TMEM200A: variants seen among roughly 807,000 people sequenced by gnomAD.
TMEM200A encodes the protein two transmembrane C.
A neutral mutation model predicts 24.3 loss-of-function variants in TMEM200A; 12 were observed. That is an observed-to-expected ratio of 0.49 (90% CI 0.32 to 0.80). The LOEUF (loss-of-function observed/expected upper bound fraction) is 0.80. Among genes scored for constraint, TMEM200A ranks in the 30% least tolerant of loss-of-function variants. TMEM200A has a pLI of 0.04. For missense variants in TMEM200A, 545 were observed against 614.4 expected (o/e 0.89, Z 1.19); for synonymous variants, 224 against 224.4 (o/e 1.00, Z 0.02).
At chr6:130,383,022 G>C (rs983692490) in intron 1 of TMEM200A, 1 of 985,350 alleles carries the variant, frequency 1.0e-6, no homozygotes, top group African/African-American at 1.7e-5. Flanking sequence ...TGAGTTCCTT[G>C]AGGCCAGGCA....
chr6:130,405,695 C>T (rs1779188135), intron 2 of TMEM200A, among the ~76,000 whole-genome samples: 1 of 152,182 alleles, frequency 6.6e-6, no homozygotes, highest in Admixed American at 6.5e-5. Context: ...TCATGGTTTC[C>T]AGCTCCTATG....
intron 2 of TMEM200A, among the ~76,000 whole-genome samples, chr6:130,387,057 G>A (rs578068934): frequency 6.6e-6 from 1 of 152,218 alleles, no homozygotes; most frequent in East Asian, 1.9e-4. Context: ...AATGCTAAGA[G>A]GACTTGATCT....
At chr6:130,368,702 G>A (rs1178020629) in intron 1 of TMEM200A, among the ~76,000 whole-genome samples, 3 of 152,132 alleles carry the variant, frequency 2.0e-5, no homozygotes, top group Non-Finnish European at 4.4e-5. Flanking sequence ...CTGATGGAGA[G>A]GGGACTGATA....
In TMEM200A at chr6:130,440,010, CTG is replaced by C. The variant is rs750885142; in HGVS notation, c.-16-383_-16-382del. ...ATGATTTAAAATAGCACAGATAACT[CTG>C]TGTGTGTGTGTGTATGTGTGTGTGT... is the stretch of plus-strand genomic sequence containing the variant. On this transcript the variant is annotated intron_variant, in intron 2 of 2. Coordinates refer to ENST00000296978, the MANE Select transcript of TMEM200A (RefSeq NM_001258277.2). 1.7e-4 allele frequency among the ~76,000 whole-genome samples: 25 copies of C among 149,942 alleles called. 2 individuals carry two copies. Among genetic ancestry groups the C allele is most frequent in the East Asian group, 9.7e-4 (5 of 5,138 alleles).
intron 2 of TMEM200A, among the ~76,000 whole-genome samples, chr6:130,417,701 C>T (rs2115174486): frequency 6.6e-6 from 1 of 152,180 alleles, no homozygotes; most frequent in South Asian, 2.1e-4. Context: ...AGGAAGTAGA[C>T]ATACACACAC....
intron 2 of TMEM200A, among the ~76,000 whole-genome samples, chr6:130,427,211 A>G (rs141836211): frequency 1.3e-5 from 2 of 152,328 alleles, no homozygotes; most frequent in East Asian, 3.9e-4. Context: ...TAAAAGCAGT[A>G]CATGTTCCTT....
intron 2 of TMEM200A, among the ~76,000 whole-genome samples, chr6:130,420,043 G>C (rs951105417): frequency 1.3e-5 from 2 of 152,050 alleles, no homozygotes; most frequent in African/African-American, 4.8e-5. Flanking sequence ...CATGAAAGTG[G>C]AGCCCTCATG....
At chr6:130,379,522 T>G (rs1350235427) in intron 1 of TMEM200A, among the ~76,000 whole-genome samples, 1 of 152,184 alleles carries the variant, frequency 6.6e-6, no homozygotes, top group African/African-American at 2.4e-5. Flanking sequence ...GCTTCATGCC[T>G]CTCCATGGGT....
intron 2 of TMEM200A, among the ~76,000 whole-genome samples, chr6:130,408,942 C>A (rs72992487): frequency 1.3e-5 from 2 of 151,984 alleles, no homozygotes; most frequent in Non-Finnish European, 2.9e-5. Context: ...ACCACCACCC[C>A]CTCCCTGACC....
chr6:130,366,181 G>C lies in TMEM200A; in HGVS notation c.-424G>C. ...CGCGCCTGGACTCTGCGCCCGGATG[G>C]CGGCGGCCCTCTGTGAGCACCGGCA... On this transcript the variant is annotated 5_prime_UTR_variant, in exon 1 of 3. Coordinates refer to ENST00000296978, the MANE Select transcript of TMEM200A (RefSeq NM_001258277.2). The surrounding 1 kb of genome is among the most constrained non-coding windows in gnomAD (Gnocchi z 4.4). The C allele has an allele frequency of 1.0e-6, 1 of 985,230 alleles. No individual in the cohort carries two copies. The highest frequency in any genetic ancestry group is 1.7e-5 in the African/African-American group (1 of 57,342). 61.0% of individuals were successfully genotyped at this position (985,230 alleles called of 1,614,324 possible).
chr6:130,440,981 G>C lies in TMEM200A; in HGVS notation c.559G>C (p.Gly187Arg). The change falls in exon 3 of 3, where the codon GGT becomes CGT. Residue 187 changes from glycine (G) to arginine (R), a missense_variant. By Grantham distance (125) the Gly-to-Arg change is moderately radical. Transcript: ENST00000296978. ...AAGGCAAATGAACGGCATGTACACT[G>C]GTTTGATGGGAGAAACAGAAGTAAA... is the stretch of plus-strand genomic sequence containing the variant. ...EQRQMNGMYT[G>R]LMGETEVKQN... is the part of the protein sequence containing the mutation. The C allele has an allele frequency of 1.2e-6, 2 of 1,614,006 alleles. No individual in the cohort carries two copies. The highest frequency in any genetic ancestry group is 1.7e-6 in the Non-Finnish European group (2 of 1,179,988).
At chr6:130,372,225 C>G (rs978669543) in intron 1 of TMEM200A, among the ~76,000 whole-genome samples, 1 of 152,106 alleles carries the variant, frequency 6.6e-6, no homozygotes, top group Non-Finnish European at 1.5e-5. Context: ...ATGGGGAAAT[C>G]AGGAGGGGCA....
intron 2 of TMEM200A, among the ~76,000 whole-genome samples, chr6:130,410,906 C>T (rs950233234): frequency 7.9e-5 from 12 of 152,268 alleles, no homozygotes; most frequent in Admixed American, 5.2e-4. Context: ...CAGTGGCTCA[C>T]GCCTATAATC....
intron 2 of TMEM200A, among the ~76,000 whole-genome samples, chr6:130,395,900 T>G (rs1235549665): frequency 6.6e-6 from 1 of 152,228 alleles, no homozygotes; most frequent in Admixed American, 6.5e-5. Context: ...AAAGAGGGCT[T>G]GGCTATCCAG....
chr6:130,400,557 C>G (rs1193881859), intron 2 of TMEM200A, among the ~76,000 whole-genome samples: 1 of 150,968 alleles, frequency 6.6e-6, no homozygotes, highest in African/African-American at 2.4e-5. Context: ...TTAACTGGCA[C>G]TGTTTTCATA....
intron 2 of TMEM200A, chr6:130,438,591 T>C (rs978837957): frequency 5.9e-5 from 9 of 152,356 alleles, no homozygotes; most frequent in East Asian, 5.8e-4. Flanking sequence ...TTCATATTTT[T>C]AACTAGGAAA....
In TMEM200A at chr6:130,441,286, T is replaced by C. The variant is rs556826917; in HGVS notation, c.864T>C (p.Phe288=). 28 of 1,614,128 alleles carry C rather than the reference T, an allele frequency of 1.7e-5. No homozygotes were observed. In the African/African-American group the frequency reaches 2.9e-4, roughly 17 times the overall value. Residue 288 remains phenylalanine (F), a synonymous_variant, in exon 3 of 3, where the codon TTT becomes TTC. Coordinates refer to ENST00000296978, the MANE Select transcript of TMEM200A (RefSeq NM_001258277.2). ...TTGTGTCATCGTCCATCAGTGCTTTTACATTGCCTGTGATCAAACTTAATA... is the reference window on the plus strand; with the variant it reads ...TTGTGTCATCGTCCATCAGTGCTTTCACATTGCCTGTGATCAAACTTAATA... ...KSIVSSSISA[F]TLPVIKLNNC...
intron 1 of TMEM200A, among the ~76,000 whole-genome samples, chr6:130,379,850 A>G (rs1226044740): frequency 2.0e-5 from 3 of 152,164 alleles, no homozygotes; most frequent in African/African-American, 7.2e-5. Context: ...GAGAGAATAA[A>G]GATTGAGAAA....
intron 2 of TMEM200A, among the ~76,000 whole-genome samples, chr6:130,390,572 T>C (rs1218943260): frequency 6.6e-6 from 1 of 152,252 alleles, no homozygotes; most frequent in African/African-American, 2.4e-5. Context: ...TTTATACCCT[T>C]AAAGGTACAA....
Sources: gnomAD v4.1 joint callset for allele counts (sites outside exome capture counted in the v4.1 genomes callset) on GRCh38, gnomAD v4.1.1 for gene constraint, Gnocchi (gnomAD v3.1) non-coding constraint, MANE v1.5 for transcripts, NCBI Gene and HGNC (gene_info 2026-07-23, HGNC 2026-07-21) for gene names.